The following FBXL2 variants were observed in gnomAD, a reference collection of about 807,000 sequenced individuals.
The protein encoded by FBXL2 is F-box/LRR-repeat protein 2.
A neutral mutation model predicts 69.2 loss-of-function variants in FBXL2; 38 were observed. That is an observed-to-expected ratio of 0.55 (90% CI 0.42 to 0.72). The LOEUF (loss-of-function observed/expected upper bound fraction) is 0.72, where lower values mean the gene tolerates loss of function less well. Among genes scored for constraint, FBXL2 ranks in the 30% least tolerant of loss-of-function variants. The probability of loss-of-function intolerance (pLI) is 0.00; values close to 1 mark genes in which losing one functional copy is unlikely to be tolerated. For missense variants in FBXL2, 354 were observed against 520.3 expected (o/e 0.68, Z 3.11); for synonymous variants, 192 against 201.3 (o/e 0.95, Z 0.39).
intron 2 of FBXL2, among the ~76,000 whole-genome samples, chr3:33,320,642 G>A (rs956495696): frequency 6.6e-6 from 1 of 151,920 alleles, no homozygotes; most frequent in African/African-American, 2.4e-5. Context: ...GACCATGCCT[G>A]ACTAATTTTT....
chr3:33,370,469 T>G (rs1465018308), intron 5 of FBXL2, among the ~76,000 whole-genome samples: 1 of 152,122 alleles, frequency 6.6e-6, no homozygotes, highest in Non-Finnish European at 1.5e-5. Context: ...CTATTTTTTG[T>G]TTTTTGTATT....
chr3:33,305,637 T>G (rs952367718), intron 2 of FBXL2, among the ~76,000 whole-genome samples: 13 of 152,062 alleles, frequency 8.5e-5, no homozygotes, highest in Non-Finnish European at 1.9e-4. Context: ...GGTTTAATTG[T>G]TCCTTGAAAG....
intron 1 of FBXL2, among the ~76,000 whole-genome samples, chr3:33,285,410 G>A (rs1274231698): frequency 3.3e-5 from 5 of 152,168 alleles, no homozygotes; most frequent in African/African-American, 4.8e-5. Flanking sequence ...CAAGAGATCC[G>A]CTGTTAGTCT....
At chr3:33,299,578 A>G (rs753297234) in intron 2 of FBXL2, among the ~76,000 whole-genome samples, 49 of 152,190 alleles carry the variant, frequency 3.2e-4, no homozygotes, top group South Asian at 4.1e-4. Context: ...TTATTAAGAC[A>G]TTTTTCCTTC....
chr3:33,379,633 T>A (rs1377883405), intron 13 of FBXL2, among the ~76,000 whole-genome samples: 4 of 150,728 alleles, frequency 2.7e-5, no homozygotes, highest in African/African-American at 4.9e-5. Context: ...TTTTTTTTTT[T>A]AATGAGGCCA....
At chr3:33,314,113 T>C (rs1434807968) in intron 2 of FBXL2, among the ~76,000 whole-genome samples, 1 of 152,122 alleles carries the variant, frequency 6.6e-6, no homozygotes, top group Non-Finnish European at 1.5e-5. Context: ...TTTTTTTTGC[T>C]TTTTACTTAT....
At chr3:33,411,476 T>G in the FBXL2 span, 18 of 975,932 alleles carry the variant, frequency 1.8e-5, no homozygotes, top group Non-Finnish European at 2.5e-5. Context: ...TACAACATAG[T>G]TTATAAATAG....
intron 2 of FBXL2, among the ~76,000 whole-genome samples, chr3:33,358,040 A>C (rs1337681117): frequency 6.6e-6 from 1 of 152,038 alleles, no homozygotes; most frequent in African/African-American, 2.4e-5. Context: ...TTTTTATCTC[A>C]CCACCGATTG....
chr3:33,358,198 C>T (rs1309853916), intron 2 of FBXL2, among the ~76,000 whole-genome samples: 1 of 152,158 alleles, frequency 6.6e-6, no homozygotes, highest in Non-Finnish European at 1.5e-5. Context: ...TGACTTCAAC[C>T]CTGTCCACCC....
chr3:33,302,803 G>A (rs1422800789), intron 2 of FBXL2, among the ~76,000 whole-genome samples: 2 of 152,202 alleles, frequency 1.3e-5, no homozygotes, highest in African/African-American at 4.8e-5. Flanking sequence ...TGGGCAATAT[G>A]AAATCAAAGA....
At chr3:33,324,925 C>G (rs1411243710) in intron 2 of FBXL2, among the ~76,000 whole-genome samples, 1 of 152,144 alleles carries the variant, frequency 6.6e-6, no homozygotes, top group Admixed American at 6.5e-5. Context: ...TTGATTCTTC[C>G]TATCCATGAG....
intron 12 of FBXL2, among the ~76,000 whole-genome samples, chr3:33,394,222 T>TTA (rs1271050296): frequency 1.4e-5 from 2 of 146,226 alleles, no homozygotes; most frequent in East Asian, 3.9e-4. Flanking sequence ...ATTATTATTA[T>TTA]TATTTGTAGA....
rs541074082 is a variant in FBXL2 at position 33,334,930 on chromosome 3, T to G, written c.66-24037T>G. On this transcript the variant is annotated intron_variant, in intron 2 of 14. Transcript: ENST00000484457. ...ACCCCATCTGTACCAAAAATACCCC[T>G]CCCCCCACCAAAAAAAATATGTATG... 4.0e-5 allele frequency among the ~76,000 whole-genome samples: 6 copies of G among 151,030 alleles called. No individual in the cohort carries two copies. The South Asian group carries it at 1.3e-3, about 32-fold the overall frequency.
In FBXL2 at chr3:33,361,098, A is replaced by AT. The variant is rs58660334; in HGVS notation, c.195+1761dup. Among the ~76,000 whole-genome samples the AT allele has an allele frequency of 6.3e-3, 731 of 116,290 alleles. 5 individuals carry two copies. The highest frequency in any genetic ancestry group is 8.1e-3 in the Non-Finnish European group (469 of 58,058). The allele number at this position is 116,290 out of a possible 152,430, so 76.3% of individuals were successfully genotyped here. A position where few individuals can be genotyped will look rare whatever the true frequency, so the allele number is the denominator to read the frequency against. Reference sequence around the variant, plus strand: ...AGGCGCCTGCCACCACGCCCGGCTAATTTTTTTTTTTTTTTTTTTTGTATT... The same window carrying AT: ...AGGCGCCTGCCACCACGCCCGGCTAATTTTTTTTTTTTTTTTTTTTTGTATT... On this transcript the variant is annotated intron_variant, in intron 4 of 14. Coordinates refer to ENST00000484457, the MANE Select transcript of FBXL2 (RefSeq NM_012157.5).
chr3:33,341,154 A>G (rs536065847), intron 2 of FBXL2, among the ~76,000 whole-genome samples: 1 of 152,320 alleles, frequency 6.6e-6, no homozygotes, highest in South Asian at 2.1e-4. Flanking sequence ...GAAAAATACC[A>G]TTTGTGAAGT....
At chr3:33,366,755 G>A (rs1453010470) in intron 5 of FBXL2, among the ~76,000 whole-genome samples, 1 of 152,018 alleles carries the variant, frequency 6.6e-6, no homozygotes, top group African/African-American at 2.4e-5. Context: ...ACTAGGTCAG[G>A]AGATTGAAAC....
At chr3:33,406,664 T>A (rs180748859), downstream of FBXL2, among the ~76,000 whole-genome samples, 14 of 152,344 alleles carry the variant, frequency 9.2e-5, no homozygotes, top group Admixed American at 6.5e-4. Context: ...TCTTCTAACA[T>A]TCGAAAAGCA....
chr3:33,280,561 T>G (rs1400367197), intron 1 of FBXL2, among the ~76,000 whole-genome samples: 1 of 151,712 alleles, frequency 6.6e-6, no homozygotes, highest in Non-Finnish European at 1.5e-5. Flanking sequence ...TTTGAAAAAT[T>G]AGCCAGGCAT....
At chr3:33,384,875 A>G (rs2043312693) in intron 14 of FBXL2, among the ~76,000 whole-genome samples, 1 of 152,042 alleles carries the variant, frequency 6.6e-6, no homozygotes, top group African/African-American at 2.4e-5. Flanking sequence ...GTCTCTACTA[A>G]TAATATAAAA....
Sources: gnomAD v4.1 joint callset for allele counts (sites outside exome capture counted in the v4.1 genomes callset) on GRCh38, gnomAD v4.1.1 for gene constraint, MANE v1.5 for transcripts, NCBI Gene and HGNC (gene_info 2026-07-23, HGNC 2026-07-21) for gene names.